RBFOX1: variants seen among roughly 807,000 people sequenced by gnomAD.
RBFOX1 encodes RNA binding protein fox-1 homolog 1.
A neutral mutation model predicts 57.7 loss-of-function variants in RBFOX1; 8 were observed. The observed-to-expected ratio is 0.14, with a 90% confidence interval of 0.08 to 0.25. The LOEUF is 0.25. RBFOX1 is among the 10% of genes least tolerant of loss of function. The pLI, the probability that RBFOX1 is intolerant of heterozygous loss-of-function variation, is 1.00. For missense variants in RBFOX1, 611 were observed against 548.5 expected, an observed-to-expected ratio of 1.11 and a Z score of -1.14; for synonymous variants, 326 against 222.4, an observed-to-expected ratio of 1.47 and a Z score of -4.15.
chr16:6,732,318 CTCCTGTT>C (rs1568389336), intron 3 of RBFOX1, among the ~76,000 whole-genome samples: 10 of 152,214 alleles, frequency 6.6e-5, no homozygotes. Flanking sequence ...CGGCCCCAGG[CTCCTGTT>C]CAGATTCTCA....
chr16:5,462,164 CTTTCTTTTTT>C (rs2068808602), intron 1 of RBFOX1, among the ~76,000 whole-genome samples: 1 of 101,080 alleles, frequency 9.9e-6, no homozygotes, highest in South Asian at 3.1e-4. Context: ...TTCTTTCTTT[CTTTCTTTTTT>C]TTTTTTTTTT....
intron 1 of RBFOX1, among the ~76,000 whole-genome samples, chr16:5,448,447 C>T (rs887304112): frequency 6.6e-6 from 1 of 152,206 alleles, no homozygotes; most frequent in Admixed American, 6.5e-5. Flanking sequence ...ATAACTATCT[C>T]TCCTATGTGG....
rs370217130 is a variant in RBFOX1, at chr16:7,278,401, C to T, written c.27+226303C>T. The stretch of plus-strand genomic sequence containing the variant: ...CATAAAGATTCCTATGTATATCTGA[C>T]ATGTGCAAGCCAGAGGGTGTTGGAC... On this transcript the variant is annotated intron_variant, in intron 4 of 15. Coordinates refer to ENST00000550418, the MANE Select transcript of RBFOX1 (RefSeq NM_018723.4). 3.4e-4 allele frequency among the ~76,000 whole-genome samples: 52 copies of T among 152,296 alleles called. No individual in the cohort carries two copies. The East Asian group carries it at 3.9e-3, about 11-fold the overall frequency.
chr16:6,308,398 G>A (rs2079800854), intron 1 of RBFOX1, among the ~76,000 whole-genome samples: 1 of 152,222 alleles, frequency 6.6e-6, no homozygotes, highest in African/African-American at 2.4e-5. Flanking sequence ...TTTGTGGCAT[G>A]AAAGCAATCT....
intron 10 of RBFOX1, among the ~76,000 whole-genome samples, chr16:7,619,538 G>A (rs953525622): frequency 2.6e-5 from 4 of 152,108 alleles, no homozygotes; most frequent in Admixed American, 6.5e-5. Context: ...CAAGATGAAG[G>A]ATCTCATCCT....
intron 3 of RBFOX1, among the ~76,000 whole-genome samples, chr16:7,003,605 A>G (rs1346927683): frequency 6.6e-6 from 1 of 152,190 alleles, no homozygotes; most frequent in East Asian, 1.9e-4. Context: ...CTGGAGAAAA[A>G]CTAACCTCTT....
rs28444754 is a variant in RBFOX1, at chr16:5,397,198, G to A, written c.220-70018G>A. On this transcript the variant is annotated intron_variant, in intron 1 of 2. Transcript: ENST00000585867. ...CCTGGAGGTGACTCTCCAATCCCTG[G>A]TAGAGAAACGTGGAGGAGGCTGAAA... Among the ~76,000 whole-genome samples the A allele has an allele frequency of 2.7e-3, 407 of 152,328 alleles. 3 individuals carry two copies. The highest frequency in any genetic ancestry group is 8.5e-3 in the African/African-American group (355 of 41,574).
intron 4 of RBFOX1, among the ~76,000 whole-genome samples, chr16:7,409,008 C>G (rs1231170629): frequency 1.3e-5 from 2 of 152,206 alleles, no homozygotes; most frequent in African/African-American, 2.4e-5. Flanking sequence ...TCTTCCCCTA[C>G]TTTCTCCTGG....
intron 2 of RBFOX1, among the ~76,000 whole-genome samples, chr16:6,605,837 C>A (rs111906079): frequency 6.6e-6 from 1 of 152,166 alleles, no homozygotes; most frequent in African/African-American, 2.4e-5. Flanking sequence ...CAGTGGCTCA[C>A]TCCTGTAATC....
intron 3 of RBFOX1, among the ~76,000 whole-genome samples, chr16:5,830,200 C>T (rs2056214737): frequency 6.6e-6 from 1 of 152,054 alleles, no homozygotes; most frequent in South Asian, 2.1e-4. Context: ...TGTTAGAGAC[C>T]ATTTGCCCCG....
At chr16:6,638,465 T>C (rs934747732) in intron 2 of RBFOX1, among the ~76,000 whole-genome samples, 3 of 152,148 alleles carry the variant, frequency 2.0e-5, no homozygotes, top group Non-Finnish European at 2.9e-5. Context: ...GGGCCACGCA[T>C]TGAGACTTAC....
At chr16:6,749,297 A>G (rs1013623502) in intron 3 of RBFOX1, among the ~76,000 whole-genome samples, 86 of 152,174 alleles carry the variant, frequency 5.7e-4, no homozygotes, top group Non-Finnish European at 1.0e-3. Flanking sequence ...CATCAACCCA[A>G]TTAAATGAGA....
chr16:7,390,754 T>C (rs117561835), intron 4 of RBFOX1, among the ~76,000 whole-genome samples: 1,548 of 152,326 alleles, frequency 0.01, 16 homozygotes, highest in Non-Finnish European at 0.017. Context: ...GATTTGTTTT[T>C]TTCAATAGGA....
At chr16:6,886,627 C>T (rs1454048051) in intron 3 of RBFOX1, among the ~76,000 whole-genome samples, 1 of 151,802 alleles carries the variant, frequency 6.6e-6, no homozygotes, top group African/African-American at 2.4e-5. Context: ...TGGTGGTGCT[C>T]ACCTGTAATC....
At chr16:6,010,187 C>G (rs2094953205) in intron 4 of RBFOX1, among the ~76,000 whole-genome samples, 1 of 152,152 alleles carries the variant, frequency 6.6e-6, no homozygotes, top group Non-Finnish European at 1.5e-5. Flanking sequence ...TTCCAAATCT[C>G]AGCACCTGAC....
intron 2 of RBFOX1, among the ~76,000 whole-genome samples, chr16:6,642,515 T>C (rs2098500451): frequency 6.6e-6 from 1 of 151,958 alleles, no homozygotes; most frequent in Non-Finnish European, 1.5e-5. Flanking sequence ...TTACCCGGCC[T>C]TTTACCCCAC....
At chr16:6,157,000 G>T (rs1345008318) in intron 1 of RBFOX1, among the ~76,000 whole-genome samples, 2 of 151,814 alleles carry the variant, frequency 1.3e-5, no homozygotes, top group Non-Finnish European at 2.9e-5. Context: ...GTGACTAATT[G>T]TTTTTCGCAT....
intron 4 of RBFOX1, among the ~76,000 whole-genome samples, chr16:7,494,476 A>G (rs981438288): frequency 1.3e-5 from 2 of 151,894 alleles, no homozygotes; most frequent in Admixed American, 6.6e-5. Context: ...TTTCTGGAAA[A>G]TTTTCCTAAC....
intron 4 of RBFOX1, among the ~76,000 whole-genome samples, chr16:7,223,445 T>A (rs78986143): frequency 0.069 from 10,436 of 152,228 alleles, 385 homozygotes; most frequent in Middle Eastern, 0.085. Flanking sequence ...TTCCATTGAA[T>A]CATGACAAAT....
Sources: allele counts gnomAD v4.1 joint callset (sites outside exome capture counted in the v4.1 genomes callset), GRCh38; gene constraint gnomAD v4.1.1; transcripts MANE v1.5; gene names NCBI Gene and HGNC (gene_info 2026-07-23, HGNC 2026-07-21).